RPS6KA3: variants seen among roughly 807,000 people sequenced by gnomAD.
RPS6KA3 encodes the protein ribosomal protein S6 kinase A3.
RPS6KA3 carries 4 observed loss-of-function variants against 67.2 expected under a neutral mutation model. That is an observed-to-expected ratio of 0.06 (90% confidence interval 0.03 to 0.14). The LOEUF (loss-of-function observed/expected upper bound fraction) is 0.14. RPS6KA3 is among the 10% of genes least tolerant of loss of function. RPS6KA3 has a pLI of 1.00. For missense variants in RPS6KA3, 204 were observed against 559.0 expected, an observed-to-expected ratio of 0.36 and a Z score of 6.40; for synonymous variants, 182 against 183.7, an observed-to-expected ratio of 0.99 and a Z score of 0.07.
At chrX:20,227,398 A>G (rs1327098502) in intron 2 of RPS6KA3, among the ~76,000 whole-genome samples, 1 of 111,931 alleles carries the variant, frequency 8.9e-6, no homozygotes, top group East Asian at 2.8e-4. Flanking sequence ...ATAGGTCCAT[A>G]TCTGAAAATA....
At chrX:20,189,179 C>T (rs1205026573) in intron 7 of RPS6KA3, among the ~76,000 whole-genome samples, 1 of 111,360 alleles carries the variant, frequency 9.0e-6, no homozygotes, top group African/African-American at 3.3e-5. Context: ...CCCCATACTC[C>T]TTGTTTTTCA....
Position 20,251,570 on chromosome X carries a change from TTCTC to T in RPS6KA3, c.69+14990_69+14993del, listed in dbSNP as rs766082600. On this transcript the variant is annotated intron_variant, in intron 1 of 21. Transcript: ENST00000379565. The stretch of plus-strand genomic sequence containing the variant: ...TTGTTCCCTATAGGTAACAGTTCAT[TTCTC>T]TCTAACTGCTTTAAAGATTCTTTAA... 4.2e-3 allele frequency among the ~76,000 whole-genome samples: 481 copies of T among 113,323 alleles called. 4 individuals carry two copies. Among genetic ancestry groups the T allele is most frequent in the African/African-American group, 0.015 (458 of 31,281 alleles).
intron 1 of RPS6KA3, among the ~76,000 whole-genome samples, chrX:20,236,356 C>T (rs1432082672): frequency 3.6e-5 from 4 of 111,464 alleles, no homozygotes; most frequent in South Asian, 3.7e-4. Flanking sequence ...GGAGTAGTCC[C>T]GACTATTAAT....
intron 4 of RPS6KA3, among the ~76,000 whole-genome samples, chrX:20,196,500 T>C (rs1302924340): frequency 8.9e-6 from 1 of 112,246 alleles, no homozygotes; most frequent in Non-Finnish European, 1.9e-5. Context: ...ATGGAAAGAA[T>C]AGGACAATCT....
intron 20 of RPS6KA3, 80 bp from the exon 21 acceptor site, chrX:20,156,329 T>C: frequency 1.0e-6 from 1 of 996,796 alleles, no homozygotes; most frequent in Non-Finnish European, 1.4e-6. Context: ...ATGAACATTC[T>C]TCCTTAGCTT....
chrX:20,247,196 T>C lies in RPS6KA3; in HGVS notation c.70-12382A>G, dbSNP rs1043943805. The stretch of plus-strand genomic sequence containing the variant: ...ATGCCTGAAATCCCAGCACTTTGGA[T>C]AGGTGGATTGCTTGAGGCCAGGAGT... On this transcript the variant is annotated intron_variant, in intron 1 of 21. Transcript: ENST00000379565. Among the ~76,000 whole-genome samples the C allele has an allele frequency of 8.0e-4, 84 of 104,882 alleles. 1 individual carries two copies. The highest frequency in any genetic ancestry group is 2.8e-3 in the African/African-American group (79 of 28,466). The allele number at this position is 104,882 out of a possible 115,157, so 91.1% of individuals were successfully genotyped here. A position where few individuals can be genotyped will look rare whatever the true frequency, so the allele number is the denominator to read the frequency against.
At chrX:20,202,248 G>C in intron 4 of RPS6KA3, among the ~76,000 whole-genome samples, 2 of 110,127 alleles carry the variant, frequency 1.8e-5, no homozygotes, top group Non-Finnish European at 3.8e-5. Flanking sequence ...CTCCCAAAGT[G>C]CTGGGATTAC....
intron 10 of RPS6KA3, among the ~76,000 whole-genome samples, chrX:20,178,182 G>A (rs1358712373): frequency 1.8e-5 from 2 of 111,789 alleles, no homozygotes; most frequent in East Asian, 5.6e-4. Flanking sequence ...TACATTAAGA[G>A]ACAAATGCAG....
At chrX:20,215,671 G>A (rs1212169786) in intron 2 of RPS6KA3, among the ~76,000 whole-genome samples, 1 of 111,662 alleles carries the variant, frequency 9.0e-6, no homozygotes, top group African/African-American at 3.3e-5. Context: ...ATGAATCTAA[G>A]GTTCAACCAG....
intron 2 of RPS6KA3, among the ~76,000 whole-genome samples, chrX:20,224,916 C>G (rs2069073501): frequency 9.0e-6 from 1 of 111,595 alleles, no homozygotes; most frequent in African/African-American, 3.3e-5. Context: ...ACTTCTCTTC[C>G]TGTCCACACA....
intron 13 of RPS6KA3, 90 bp from the exon 14 acceptor site, chrX:20,175,378 G>T: frequency 1.0e-6 from 1 of 956,708 alleles, no homozygotes; most frequent in Non-Finnish European, 1.5e-6. Flanking sequence ...CACTTATTCT[G>T]GAATTCTATT....
At chrX:20,262,142 G>T (rs1225030377) in intron 1 of RPS6KA3, among the ~76,000 whole-genome samples, 1 of 111,559 alleles carries the variant, frequency 9.0e-6, no homozygotes, top group Non-Finnish European at 1.9e-5. Flanking sequence ...TTCTGCACTG[G>T]GTCAACCAGG....
chrX:20,261,728 T>C (rs2070236677), intron 1 of RPS6KA3, among the ~76,000 whole-genome samples: 1 of 112,204 alleles, frequency 8.9e-6, no homozygotes, highest in Non-Finnish European at 1.9e-5. Flanking sequence ...TGATTAAATA[T>C]GGTAGTTTTT....
At chrX:20,229,370 T>C (rs1048339735) in intron 2 of RPS6KA3, among the ~76,000 whole-genome samples, 3 of 112,047 alleles carry the variant, frequency 2.7e-5, no homozygotes, top group Non-Finnish European at 5.6e-5. Context: ...ACAGTTTTGG[T>C]GGACCAGGAA....
At chrX:20,203,908 G>A (rs1421584950) in intron 4 of RPS6KA3, 114 bp downstream of exon 4, 39 of 587,337 alleles carry the variant, frequency 6.6e-5, no homozygotes, top group Non-Finnish European at 1.1e-4. Context: ...TTTAAAGCTG[G>A]TAACAGGAAC....
At chrX:20,250,155 G>A (rs2069823376) in intron 1 of RPS6KA3, among the ~76,000 whole-genome samples, 1 of 111,463 alleles carries the variant, frequency 9.0e-6, no homozygotes, top group South Asian at 3.7e-4. Flanking sequence ...TTGAGTACTG[G>A]ATATAGTAAG....
intron 16 of RPS6KA3, 27 bp from the exon 17 acceptor site, chrX:20,167,774 ATAT>A (rs1057297087): frequency 2.3e-5 from 23 of 992,259 alleles, no homozygotes; most frequent in Non-Finnish European, 3.0e-5. Flanking sequence ...CAAAATGTAA[ATAT>A]TATTTGAAAC....
intron 1 of RPS6KA3, among the ~76,000 whole-genome samples, chrX:20,242,343 C>T (rs747414803): frequency 2.0e-4 from 22 of 111,854 alleles, no homozygotes; most frequent in Non-Finnish European, 3.0e-4. Context: ...ATAGATATTA[C>T]AGTTCGAATC....
intron 1 of RPS6KA3, among the ~76,000 whole-genome samples, chrX:20,244,023 G>T (rs2069620337): frequency 9.0e-6 from 1 of 111,452 alleles, no homozygotes; most frequent in Non-Finnish European, 1.9e-5. Flanking sequence ...AAACTAAATG[G>T]AAAGAAAATG....
Sources: gnomAD v4.1 joint callset for allele counts (sites outside exome capture counted in the v4.1 genomes callset) on GRCh38, gnomAD v4.1.1 for gene constraint, MANE v1.5 for transcripts, NCBI Gene and HGNC (gene_info 2026-07-23, HGNC 2026-07-21) for gene names.